Variants in SPOP observed in about 807,000 individuals in gnomAD.
SPOP encodes the protein speckle type BTB/POZ protein.
SPOP carries 11 observed loss-of-function variants against 45.6 expected under a neutral mutation model. The observed-to-expected ratio is 0.24, with a 90% CI of 0.15 to 0.40. The LOEUF is 0.40. SPOP is among the 10% of genes least tolerant of loss of function. SPOP has a pLI of 1.00. For missense variants in SPOP, 152 were observed against 465.6 expected (o/e 0.33, Z 6.20); for synonymous variants, 166 against 166.3 (o/e 1.00, Z 0.01).
chr17:49,653,903 C>A (rs1047011656), intron 1 of SPOP, among the ~76,000 whole-genome samples: 8 of 151,740 alleles, frequency 5.3e-5, no homozygotes, highest in African/African-American at 1.9e-4. Context: ...GTTGATGCTT[C>A]CTTGCAGAGC....
At chr17:49,668,520 T>C (rs2073092087) in intron 1 of SPOP, among the ~76,000 whole-genome samples, 2 of 152,116 alleles carry the variant, frequency 1.3e-5, no homozygotes, top group Admixed American at 6.6e-5. Flanking sequence ...AAATGCAAGA[T>C]AGGTGTTACC....
At chr17:49,607,826 G>T in intron 7 of SPOP, 48 bp downstream of exon 7, 1 of 1,541,876 alleles carries the variant, frequency 6.5e-7, no homozygotes, top group Non-Finnish European at 8.9e-7. Flanking sequence ...GAAATCATCT[G>T]ACTCTAGATA....
intron 5 of SPOP, chr17:49,618,602 A>C (rs1346083779): frequency 2.2e-6 from 1 of 460,900 alleles, no homozygotes; most frequent in African/African-American, 2.0e-5. Context: ...ATCTGCAAAC[A>C]CACATGGCCC....
At chr17:49,606,503 T>C (rs1197734170) in intron 8 of SPOP, among the ~76,000 whole-genome samples, 29 of 142,856 alleles carry the variant, frequency 2.0e-4, no homozygotes, top group Admixed American at 5.5e-4. Flanking sequence ...TTCTTTTTTT[T>C]TTTTTTTTTT....
At chr17:49,674,367 T>C (rs1282857732) in intron 1 of SPOP, among the ~76,000 whole-genome samples, 3 of 152,182 alleles carry the variant, frequency 2.0e-5, no homozygotes, top group Non-Finnish European at 4.4e-5. Context: ...CTTTTTATTA[T>C]TGCTTCAATC....
rs1004546394 is a variant in SPOP, at chr17:49,600,835, G to A, written c.981-313C>T. 1.9e-5 allele frequency: 5 copies of A among 269,450 alleles called. No individual in the cohort carries two copies. The highest frequency in any genetic ancestry group is 3.6e-5 in the Non-Finnish European group (5 of 138,156). 16.7% of individuals were successfully genotyped at this position (269,450 alleles called of 1,614,324 possible). A position where few individuals can be genotyped will look rare whatever the true frequency, so the allele number is the denominator to read the frequency against. On this transcript the variant is annotated intron_variant, in intron 9 of 9. Coordinates refer to ENST00000504102, the MANE Select transcript of SPOP (RefSeq NM_001007228.2). The surrounding 1 kb of genome is among the most constrained non-coding windows in gnomAD (Gnocchi z 4.2). ...CCGGTGATGCTAGTCATAAAAAGGA[G>A]CATGGGCTCCCTCGGCCAGAAGCCC...
Position 49,621,978 on chromosome 17 carries a change from T to C in SPOP, c.168A>G (p.Thr56=), listed in dbSNP as rs770032061. 9 of 1,613,878 alleles carry C rather than the reference T, an allele frequency of 5.6e-6. No homozygotes were observed. Among genetic ancestry groups the C allele is most frequent in the South Asian group, 4.4e-5 (4 of 91,088 alleles). ...GTTTATCATTTGCTCCTGATGAAAA[T>C]GTAGAACTTTTAATGACTTCACCCA... The part of the protein sequence containing the change: ...EEMGEVIKSS[T]FSSGANDKLK... Residue 56 remains threonine (T), a synonymous_variant, in exon 3 of 10, where the codon ACA becomes ACG. Transcript: ENST00000504102.
chr17:49,658,724 C>T lies in SPOP; in HGVS notation c.-67+19209G>A, dbSNP rs1337098120. Among the ~76,000 whole-genome samples the T allele has an allele frequency of 6.6e-5, 10 of 152,288 alleles. No individual in the cohort carries two copies. In the East Asian group the frequency reaches 7.7e-4, roughly 12 times the overall value. ...CCACCACCATCATCAGACAACCAAG[C>T]GGAGAAGAACTACCACTGCTGTAGC... On this transcript the variant is annotated intron_variant, in intron 1 of 9. Transcript: ENST00000504102.
chr17:49,634,445 G>A (rs1423883536), intron 1 of SPOP, among the ~76,000 whole-genome samples: 1 of 152,224 alleles, frequency 6.6e-6, no homozygotes, highest in Non-Finnish European at 1.5e-5. Context: ...CCTATGGTAA[G>A]AAGATTCCAT....
intron 1 of SPOP, among the ~76,000 whole-genome samples, chr17:49,628,981 C>T (rs563603637): frequency 6.6e-6 from 1 of 152,240 alleles, no homozygotes; most frequent in South Asian, 2.1e-4. Context: ...TGGTGGCTCA[C>T]ACCTGTAATC....
At position 49,619,261 on chromosome 17, in the gene SPOP, C is replaced by A. The variant is rs2072163482; in HGVS notation, c.325G>T (p.Ala109Ser). 1 of 1,614,184 alleles carries A rather than the reference C, an allele frequency of 6.2e-7. No individual in the cohort carries two copies. Among genetic ancestry groups the A allele is most frequent in the East Asian group, 2.2e-5 (1 of 44,870 alleles). The change falls in exon 4 of 10, where the codon GCC (alanine) becomes TCC (serine). Residue 109 changes from alanine to serine, a missense_variant. By Grantham distance (99) the Ala-to-Ser change is moderately conservative. Around this residue, in one of 3 missense-constraint regions of SPOP, gnomAD observed 28 missense variants for 176.8 expected, o/e 0.16. Coordinates refer to ENST00000504102, the MANE Select transcript of SPOP (RefSeq NM_001007228.2). This position sits in a 1 kb window ranked among gnomAD's most constrained non-coding sequence, Gnocchi z 4.9. ...RAKFKFSILNAKGEETKAMES... is the reference protein window; with the variant it reads ...RAKFKFSILNSKGEETKAMES... ...ATAGCTTTGGTTTCTTCTCCCTTGGCATTCAGGATGGAGAATTTGAATTTT... is the reference window on the plus strand; with the variant it reads ...ATAGCTTTGGTTTCTTCTCCCTTGGAATTCAGGATGGAGAATTTGAATTTT...
Position 49,627,587 on chromosome 17 carries a change from A to C in SPOP, c.-66-4711T>G, listed in dbSNP as rs538797909. On this transcript the variant is annotated intron_variant, in intron 1 of 9. Coordinates refer to ENST00000504102, the MANE Select transcript of SPOP (RefSeq NM_001007228.2). ...AATCCTAAAATACCAATTTGAACTT[A>C]TTTTGAGGTTAAAAAAACTTCAAAC... Among the ~76,000 whole-genome samples the C allele has an allele frequency of 2.0e-5, 3 of 152,342 alleles. No homozygotes were observed. In the South Asian group the frequency reaches 6.2e-4, roughly 32 times the overall value.
chr17:49,630,402 T>C (rs1166157097), intron 1 of SPOP, among the ~76,000 whole-genome samples: 3 of 152,170 alleles, frequency 2.0e-5, no homozygotes, highest in Admixed American at 6.5e-5. Context: ...TGAATATTTG[T>C]TATGAGTAAA....
intron 1 of SPOP, among the ~76,000 whole-genome samples, chr17:49,635,011 C>T (rs978966581): frequency 6.6e-6 from 1 of 152,178 alleles, no homozygotes; most frequent in African/African-American, 2.4e-5. Context: ...ACCTAGACCT[C>T]CTTCCAACTT....
At chr17:49,636,896 G>GA (rs1360343816) in intron 1 of SPOP, 1 of 151,970 alleles carries the variant, frequency 6.6e-6, no homozygotes, top group African/African-American at 2.4e-5. Context: ...TCCTAAAAAG[G>GA]AAAAATCTCA....
At chr17:49,624,329 G>GCACACA (rs1159411901) in intron 1 of SPOP, among the ~76,000 whole-genome samples, 60 of 85,966 alleles carry the variant, frequency 7.0e-4, no homozygotes, top group African/African-American at 7.0e-4. Context: ...ACGCGCGCGC[G>GCACACA]CGCACACACA....
chr17:49,634,017 A>T (rs1182846836), intron 1 of SPOP, among the ~76,000 whole-genome samples: 1 of 130,126 alleles, frequency 7.7e-6, no homozygotes. Flanking sequence ...CCAGCTGCTT[A>T]AAAAAAAAAA....
chr17:49,606,294 T>C (rs942357484), intron 8 of SPOP, among the ~76,000 whole-genome samples: 5 of 151,892 alleles, frequency 3.3e-5, no homozygotes, highest in Non-Finnish European at 5.9e-5. Flanking sequence ...GCTGGGACTA[T>C]GGGCGTGCAC....
chr17:49,664,890 GGTT>G (rs1313801971), intron 1 of SPOP, among the ~76,000 whole-genome samples: 2 of 152,080 alleles, frequency 1.3e-5, no homozygotes, highest in Admixed American at 6.6e-5. Context: ...TCTGAGGTTT[GGTT>G]GTTCAGCTTT....
Sources: gnomAD v4.1 joint callset for allele counts (sites outside exome capture counted in the v4.1 genomes callset) on GRCh38, gnomAD v4.1.1 for gene constraint, gnomAD v4.1.1 regional missense constraint, Gnocchi (gnomAD v3.1) non-coding constraint, MANE v1.5 for transcripts, NCBI Gene and HGNC (gene_info 2026-07-23, HGNC 2026-07-21) for gene names.